The following SIAH3 variants were observed in gnomAD, a reference collection of about 807,000 sequenced individuals.
SIAH3 encodes seven in absentia homolog 3.
Under a neutral mutation model 12.6 loss-of-function variants are expected in SIAH3, and 9 were observed. The observed-to-expected ratio is 0.72, with a 90% CI of 0.43 to 1.25. SIAH3 has a LOEUF of 1.25. Ranked by LOEUF, SIAH3 falls within the 50% of genes most tolerant of loss-of-function variation. SIAH3 has a pLI of 0.00. For synonymous variants in SIAH3, 154 were observed against 151.1 expected (o/e 1.02, Z -0.14); for missense variants, 390 against 365.4 (o/e 1.07, Z -0.55).
intron 1 of SIAH3, among the ~76,000 whole-genome samples, chr13:45,819,872 T>G (rs905859457): frequency 8.5e-5 from 13 of 152,128 alleles, no homozygotes; most frequent in African/African-American, 3.1e-4. Context: ...AGAGGCTGGG[T>G]CACTTATAAA....
At chr13:45,807,425 G>T (rs1330548764) in intron 1 of SIAH3, among the ~76,000 whole-genome samples, 1 of 152,114 alleles carries the variant, frequency 6.6e-6, no homozygotes, top group Non-Finnish European at 1.5e-5. Context: ...TTAAAACATG[G>T]TGATTCAAGT....
intron 1 of SIAH3, among the ~76,000 whole-genome samples, chr13:45,822,012 C>G (rs538384959): frequency 6.6e-6 from 1 of 152,260 alleles, no homozygotes; most frequent in African/African-American, 2.4e-5. Flanking sequence ...ACCTGTGGGT[C>G]CCCGGCAGGA....
intron 1 of SIAH3, among the ~76,000 whole-genome samples, chr13:45,807,520 A>G (rs9590931): frequency 0.033 from 4,958 of 152,268 alleles, 214 homozygotes; most frequent in African/African-American, 0.11. Context: ...TAGAGCAGGA[A>G]GTTTAGCATT....
chr13:45,783,512 C>G lies in SIAH3; in HGVS notation c.681G>C (p.Ser227=). 5 of 1,614,190 alleles carry G rather than the reference C, an allele frequency of 3.1e-6. No homozygotes were observed. Among genetic ancestry groups the G allele is most frequent in the Non-Finnish European group, 4.2e-6 (5 of 1,180,032 alleles). The change falls in exon 2 of 2, where the codon TCG becomes TCC. Residue 227 remains serine, a synonymous_variant. Transcript: ENST00000400405. The stretch of plus-strand genomic sequence containing the variant: ...CGAGGCAGTCCCCGTCCGTAATCAC[C>G]GAGTCCACGCACTCAAGAACAGACC... The part of the protein sequence containing the change: ...TPRSVLECVD[S]VITDGDCLVL...
intron 1 of SIAH3, among the ~76,000 whole-genome samples, chr13:45,845,975 T>G (rs1950758312): frequency 6.6e-6 from 1 of 151,806 alleles, no homozygotes; most frequent in Admixed American, 6.6e-5. Context: ...CCCTTGCAAG[T>G]TTTCGCTCCC....
At chr13:45,793,361 G>C (rs1272345531) in intron 1 of SIAH3, among the ~76,000 whole-genome samples, 1 of 152,176 alleles carries the variant, frequency 6.6e-6, no homozygotes, top group Non-Finnish European at 1.5e-5. Flanking sequence ...TCATGACCAG[G>C]AACTCCACAG....
At chr13:45,800,739 C>A (rs139683957) in intron 1 of SIAH3, among the ~76,000 whole-genome samples, 12 of 152,318 alleles carry the variant, frequency 7.9e-5, no homozygotes, top group African/African-American at 2.6e-4. Flanking sequence ...GCCCGTCATG[C>A]GAAAAGCACT....
intron 1 of SIAH3, among the ~76,000 whole-genome samples, chr13:45,844,908 C>T (rs1039364042): frequency 9.9e-5 from 15 of 152,192 alleles, no homozygotes; most frequent in African/African-American, 3.6e-4. Context: ...CAGCAACAAC[C>T]AAACTTTCAA....
At chr13:45,830,474 C>A (rs536862087) in intron 1 of SIAH3, among the ~76,000 whole-genome samples, 1 of 152,220 alleles carries the variant, frequency 6.6e-6, no homozygotes, top group Non-Finnish European at 1.5e-5. Context: ...GGGCACAGCC[C>A]GAGGCAGGCC....
intron 1 of SIAH3, among the ~76,000 whole-genome samples, chr13:45,819,510 G>A (rs1950647497): frequency 6.6e-6 from 1 of 151,976 alleles, no homozygotes; most frequent in Non-Finnish European, 1.5e-5. Context: ...CTGCAAATTA[G>A]GGAAAAAAAC....
At chr13:45,833,637 T>G (rs1478253079) in intron 1 of SIAH3, among the ~76,000 whole-genome samples, 1 of 152,190 alleles carries the variant, frequency 6.6e-6, no homozygotes, top group East Asian at 1.9e-4. Context: ...TGTCAGATAT[T>G]TTCTCATTCG....
chr13:45,797,411 C>T (rs1054434005), intron 1 of SIAH3, among the ~76,000 whole-genome samples: 2 of 152,134 alleles, frequency 1.3e-5, no homozygotes, highest in African/African-American at 4.8e-5. Flanking sequence ...GTCTGCATTT[C>T]CCCATCCTCT....
rs1950500437 is a variant in SIAH3 at position 45,780,626 on chromosome 13, C to T, written c.*2757G>A. On this transcript the variant is annotated 3_prime_UTR_variant, in exon 2 of 2. Coordinates refer to ENST00000400405, the MANE Select transcript of SIAH3 (RefSeq NM_198849.3). ...ATCTACTCCAGTCTTTCTCTCCCTG[C>T]TCCCTCAACTATCCCAGGACAAAGA... 6.6e-6 allele frequency: 1 copy of T among 152,220 alleles called. No individual in the cohort carries two copies. Among genetic ancestry groups the T allele is most frequent in the Non-Finnish European group, 1.5e-5 (1 of 68,056 alleles). The allele number at this position is 152,220 out of a possible 1,614,324, so 9.4% of individuals were successfully genotyped here. A position where few individuals can be genotyped will look rare whatever the true frequency, so the allele number is the denominator to read the frequency against.
intron 1 of SIAH3, among the ~76,000 whole-genome samples, chr13:45,826,440 C>G (rs9526112): frequency 0.8 from 38,199 of 47,808 alleles, 15,514 homozygotes; most frequent in Non-Finnish European, 0.85. Flanking sequence ...TGAATGGATG[C>G]ATGGATGGAT....
chr13:45,784,408 T>TTG (rs1566085938), intron 1 of SIAH3, among the ~76,000 whole-genome samples: 1 of 150,690 alleles, frequency 6.6e-6, no homozygotes, highest in Non-Finnish European at 1.5e-5. Flanking sequence ...GTTTTTTTTT[T>TTG]TTTTTTTTTT....
intron 1 of SIAH3, among the ~76,000 whole-genome samples, chr13:45,835,269 G>T (rs935468947): frequency 2.0e-5 from 3 of 152,166 alleles, no homozygotes; most frequent in African/African-American, 7.2e-5. Context: ...AGCATGTAGA[G>T]AACTAGTCTT....
At position 45,779,191 on chromosome 13, in the gene SIAH3, A is replaced by G. The variant is rs1950495018; in HGVS notation, c.*4192T>C. The G allele has an allele frequency of 6.6e-6, 1 of 152,344 alleles. No homozygotes were observed. Among genetic ancestry groups the G allele is most frequent in the East Asian group, 1.9e-4 (1 of 5,196 alleles). The allele number at this position is 152,344 out of a possible 1,614,324, so 9.4% of individuals were successfully genotyped here. Reference sequence around the variant, plus strand: ...GATAGATGTAAATAACCCCAGGAGCATAGAGAATAAAAAGAGTAGTGAAAT... The same window carrying G: ...GATAGATGTAAATAACCCCAGGAGCGTAGAGAATAAAAAGAGTAGTGAAAT... On this transcript the variant is annotated 3_prime_UTR_variant, in exon 2 of 2. Transcript: ENST00000400405.
At chr13:45,796,267 G>C (rs1447919222) in intron 1 of SIAH3, among the ~76,000 whole-genome samples, 2 of 152,152 alleles carry the variant, frequency 1.3e-5, no homozygotes, top group Non-Finnish European at 2.9e-5. Flanking sequence ...AAGAAAGAGA[G>C]AGAGAGACAG....
chr13:45,794,027 A>G (rs938491695), intron 1 of SIAH3, among the ~76,000 whole-genome samples: 2 of 152,058 alleles, frequency 1.3e-5, no homozygotes, highest in Non-Finnish European at 2.9e-5. Context: ...ACCTGGACCC[A>G]CTGGAACTGG....
Sources: allele counts gnomAD v4.1 joint callset (sites outside exome capture counted in the v4.1 genomes callset), GRCh38; gene constraint gnomAD v4.1.1; transcripts MANE v1.5; gene names NCBI Gene and HGNC (gene_info 2026-07-23, HGNC 2026-07-21).